Variants in CTNNA1 observed in about 807,000 individuals in gnomAD.
CTNNA1 encodes catenin alpha-1.
In CTNNA1, 37 loss-of-function variants were observed where a neutral mutation model predicts 98.4. That is an observed-to-expected ratio of 0.38 (90% CI 0.29 to 0.49). The LOEUF (loss-of-function observed/expected upper bound fraction) is 0.49. Ranked by LOEUF, CTNNA1 falls within the 20% of genes least tolerant of loss-of-function variation. The probability of loss-of-function intolerance (pLI) is 0.95; values close to 1 mark genes in which losing one functional copy is unlikely to be tolerated. For synonymous variants in CTNNA1, 404 were observed against 413.2 expected, an observed-to-expected ratio of 0.98 and a Z score of 0.27; for missense variants, 761 against 1,147.2, an observed-to-expected ratio of 0.66 and a Z score of 4.86.
At chr5:138,921,437 C>G (rs1010724244) in intron 11 of CTNNA1, among the ~76,000 whole-genome samples, 3 of 152,124 alleles carry the variant, frequency 2.0e-5, no homozygotes, top group Admixed American at 1.3e-4. Context: ...TACTTTCCTT[C>G]ATTAAGTGTC....
chr5:138,830,803 A>G (rs1278587637), intron 7 of CTNNA1, among the ~76,000 whole-genome samples: 2 of 152,150 alleles, frequency 1.3e-5, no homozygotes, highest in East Asian at 1.9e-4. Context: ...CAAAGTTTCT[A>G]TAGGGGGTTT....
intron 7 of CTNNA1, among the ~76,000 whole-genome samples, chr5:138,843,060 G>A (rs1762403287): frequency 6.6e-6 from 1 of 152,190 alleles, no homozygotes; most frequent in South Asian, 2.1e-4. Context: ...TATTGATCAA[G>A]TGTGAATTAT....
At chr5:138,927,710 TAATGAATGAATGAATGAATGAA>T (rs1764422707) in intron 13 of CTNNA1, among the ~76,000 whole-genome samples, 1 of 150,942 alleles carries the variant, frequency 6.6e-6, no homozygotes, top group Non-Finnish European at 1.5e-5. Flanking sequence ...GGCAGAGAGA[TAATGAATGAATGAATGAATGAA>T]TGAATGAATG....
At chr5:138,892,971 G>A (rs923871447) in intron 9 of CTNNA1, among the ~76,000 whole-genome samples, 2 of 152,230 alleles carry the variant, frequency 1.3e-5, no homozygotes, top group Admixed American at 6.5e-5. Context: ...AGCAGAGATC[G>A]CGCCGCTGCT....
chr5:138,860,272 C>T (rs1561603727), intron 7 of CTNNA1, among the ~76,000 whole-genome samples: 1 of 151,994 alleles, frequency 6.6e-6, no homozygotes, highest in Non-Finnish European at 1.5e-5. Flanking sequence ...TTCAGATAAA[C>T]CGTTTATAGT....
rs1765121528 is a variant in CTNNA1 at position 138,930,737 on chromosome 5, C to CA, written c.2192+84dup. 53 of 1,547,866 alleles carry CA rather than the reference C, an allele frequency of 3.4e-5. No homozygotes were observed. The South Asian group carries it at 5.9e-4, about 17-fold the overall frequency. On this transcript the variant is annotated intron_variant, in intron 15 of 17. Coordinates refer to ENST00000302763, the MANE Select transcript of CTNNA1 (RefSeq NM_001903.5). The stretch of plus-strand genomic sequence containing the variant: ...CACCTGCGCAGCGGCTCAGACAGCC[C>CA]AGGCCATGGGGCTTTGTGGACAATC...
In CTNNA1 at chr5:138,839,793, T is replaced by C. The variant is rs377134933; in HGVS notation, c.1062+12075T>C. Among the ~76,000 whole-genome samples, 12 of 152,310 alleles carry C rather than the reference T, an allele frequency of 7.9e-5. No homozygotes were observed. The East Asian group carries it at 2.1e-3, about 27-fold the overall frequency. On this transcript the variant is annotated intron_variant, in intron 7 of 17. Coordinates refer to ENST00000302763, the MANE Select transcript of CTNNA1 (RefSeq NM_001903.5). ...AGCCAGAACCAAAACTCAACCAGTG[T>C]TTTCAAAACTGAGTCTGAAACTAGT...
chr5:138,761,315 A>C (rs189374538), intron 1 of CTNNA1, among the ~76,000 whole-genome samples: 1 of 151,572 alleles, frequency 6.6e-6, no homozygotes, highest in African/African-American at 2.4e-5. Flanking sequence ...GCTCACTGCA[A>C]CCTCCACTTC....
Position 138,925,261 on chromosome 5 carries a change from C to A in CTNNA1, c.1753C>A (p.Pro585Thr). 6.2e-7 allele frequency: 1 copy of A among 1,613,770 alleles called. No homozygotes were observed. Among genetic ancestry groups the A allele is most frequent in the Non-Finnish European group, 8.5e-7 (1 of 1,179,910 alleles). The change falls in exon 13 of 18, where the codon CCA becomes ACA. Residue 585 changes from proline (P) to threonine (T), a missense_variant. Physicochemically the swap from Pro to Thr is conservative, Grantham distance 38. Transcript: ENST00000302763. ...ATKLLSNTVM[P>T]RFTEQVEAAV... The stretch of plus-strand genomic sequence containing the variant: ...CTGTGCCTCTTTCTCCACAGTCATG[C>A]CACGTTTTACTGAGCAAGTAGAAGC...
chr5:138,880,896 G>A (rs896770077), intron 7 of CTNNA1: 1 of 371,318 alleles, frequency 2.7e-6, no homozygotes, highest in Non-Finnish European at 5.4e-6. Context: ...CCTCTTAATA[G>A]GTTCTGGGCT....
chr5:138,791,883 G>A (rs765529001), intron 3 of CTNNA1, among the ~76,000 whole-genome samples: 41 of 148,096 alleles, frequency 2.8e-4, no homozygotes, highest in Non-Finnish European at 4.6e-4. Context: ...TTAAGTTCTA[G>A]GGTACATGTG....
intron 7 of CTNNA1, among the ~76,000 whole-genome samples, chr5:138,883,113 C>A (rs555734981): frequency 6.6e-6 from 1 of 152,014 alleles, no homozygotes; most frequent in Admixed American, 6.5e-5. Flanking sequence ...GCTGTCCACC[C>A]GCCTCAGCCT....
At position 138,890,871 on chromosome 5, in the gene CTNNA1, A is replaced by G. The variant is rs138586562; in HGVS notation, c.1296+3229A>G. Among the ~76,000 whole-genome samples the G allele has an allele frequency of 2.0e-5, 3 of 152,344 alleles. No individual in the cohort carries two copies. In the East Asian group the frequency reaches 5.8e-4, roughly 29 times the overall value. On this transcript the variant is annotated intron_variant, in intron 9 of 17. Transcript: ENST00000302763. ...TACTACTGAAATTCCAAAGATTCAG[A>G]GGTTTCCTCACAGGAATCCAGGACA...
intron 5 of CTNNA1, among the ~76,000 whole-genome samples, chr5:138,813,633 A>AT (rs903636865): frequency 7.9e-5 from 12 of 152,016 alleles, no homozygotes; most frequent in African/African-American, 1.5e-4. Context: ...ACATAAAAAA[A>AT]TTTTTTTTGA....
intron 1 of CTNNA1, among the ~76,000 whole-genome samples, chr5:138,762,770 G>C (rs1752504778): frequency 8.2e-6 from 1 of 121,276 alleles, no homozygotes; most frequent in Non-Finnish European, 1.8e-5. Context: ...TGAGTAGTGT[G>C]AAGTGATTTT....
chr5:138,780,344 T>C (rs545661953), intron 1 of CTNNA1, among the ~76,000 whole-genome samples: 1 of 146,370 alleles, frequency 6.8e-6, no homozygotes, highest in African/African-American at 2.5e-5. Flanking sequence ...TGCCCGCCAC[T>C]GCGCCTGGCT....
chr5:138,820,068 C>G (rs1209797299), intron 5 of CTNNA1, among the ~76,000 whole-genome samples: 1 of 134,354 alleles, frequency 7.4e-6, no homozygotes, highest in African/African-American at 2.7e-5. Flanking sequence ...GCTTCCTGTA[C>G]AGCCTGCAGA....
At chr5:138,773,713 ATT>A (rs757583665) in intron 1 of CTNNA1, among the ~76,000 whole-genome samples, 7 of 142,178 alleles carry the variant, frequency 4.9e-5, no homozygotes, top group Admixed American at 2.8e-4. Context: ...TGGTGAATTA[ATT>A]TTTTTTTTTT....
chr5:138,780,236 G>T (rs988629936), intron 1 of CTNNA1, among the ~76,000 whole-genome samples: 2 of 151,458 alleles, frequency 1.3e-5, no homozygotes, highest in Admixed American at 1.3e-4. Flanking sequence ...TTTCGCCCAG[G>T]CCGGACTGCA....
Sources: gnomAD v4.1 joint callset for allele counts (sites outside exome capture counted in the v4.1 genomes callset) on GRCh38, gnomAD v4.1.1 for gene constraint, MANE v1.5 for transcripts, NCBI Gene and HGNC (gene_info 2026-07-23, HGNC 2026-07-21) for gene names.